COQ3: variants seen among roughly 807,000 people sequenced by gnomAD.
COQ3 encodes the protein ubiquinone biosynthesis O-methyltransferase, mitochondrial.
COQ3 carries 29 observed loss-of-function variants against 33.1 expected under a neutral mutation model. That is an observed-to-expected ratio of 0.88 (90% CI 0.65 to 1.19). COQ3 has a LOEUF of 1.19. Among genes scored for constraint, COQ3 ranks in the 50% most tolerant of loss-of-function variants. The probability of loss-of-function intolerance (pLI) is 0.00; values close to 1 mark genes in which losing one functional copy is unlikely to be tolerated. For missense variants in COQ3, 437 were observed against 430.7 expected, an observed-to-expected ratio of 1.01 and a Z score of -0.13; for synonymous variants, 173 against 157.8, an observed-to-expected ratio of 1.10 and a Z score of -0.72.
Position 99,394,105 on chromosome 6 carries a change from T to C in COQ3, c.75A>G (p.Thr25=). ...AGGAAATTAAGGGACGCGCAGCTTTTGTATTACAGCCTCCAGGCCCCAGCA... is the reference window on the plus strand; with the variant it reads ...AGGAAATTAAGGGACGCGCAGCTTTCGTATTACAGCCTCCAGGCCCCAGCA... ...LRVLGPGGCN[T]KAARPLISSA... The change falls in exon 1 of 7, where the codon ACA becomes ACG. Residue 25 remains threonine (T), a synonymous_variant. Transcript: ENST00000254759. The C allele has an allele frequency of 1.2e-6, 2 of 1,613,908 alleles. No homozygotes were observed. Among genetic ancestry groups the C allele is most frequent in the Non-Finnish European group, 1.7e-6 (2 of 1,179,914 alleles).
intron 2 of COQ3, among the ~76,000 whole-genome samples, chr6:99,381,729 C>A (rs1774476248): frequency 6.6e-6 from 1 of 152,072 alleles, no homozygotes; most frequent in Non-Finnish European, 1.5e-5. Flanking sequence ...AGTTCCAGAT[C>A]AGCCTGGCCA....
chr6:99,376,720 C>T (rs1582718687), intron 4 of COQ3, among the ~76,000 whole-genome samples: 1 of 152,066 alleles, frequency 6.6e-6, no homozygotes, highest in East Asian at 1.9e-4. Context: ...CCTGTAATCC[C>T]AGCACTTTGG....
rs553398849 is a variant in COQ3, at chr6:99,370,456, C to T, written c.890-636G>A. On this transcript the variant is annotated intron_variant, in intron 6 of 6. Transcript: ENST00000254759. The stretch of plus-strand genomic sequence containing the variant: ...CTCCATCTCCTGATTTCAAGTGATT[C>T]TCCTGCCTCAGACTCTCGAGGAGCT... Among the ~76,000 whole-genome samples, 16 of 144,504 alleles carry T rather than the reference C, an allele frequency of 1.1e-4. No individual in the cohort carries two copies. In the South Asian group the frequency reaches 3.6e-3, roughly 32 times the overall value. 94.8% of individuals were successfully genotyped at this position (144,504 alleles called of 152,430 possible).
At chr6:99,393,640 G>A (rs946981412) in intron 1 of COQ3, among the ~76,000 whole-genome samples, 4 of 152,174 alleles carry the variant, frequency 2.6e-5, no homozygotes, top group Non-Finnish European at 4.4e-5. Context: ...TAATCAAAAA[G>A]TAATACAGCT....
At chr6:99,373,701 G>A (rs9389293) in intron 5 of COQ3, among the ~76,000 whole-genome samples, 55,159 of 151,892 alleles carry the variant, frequency 0.36, 10,420 homozygotes, top group South Asian at 0.57. Flanking sequence ...CTACTTAAGA[G>A]GAAACAAGGG....
chr6:99,393,066 AAAAAG>A (rs1254259905), intron 1 of COQ3, among the ~76,000 whole-genome samples: 1 of 152,206 alleles, frequency 6.6e-6, no homozygotes, highest in Non-Finnish European at 1.5e-5. Context: ...AAAAGTTCAG[AAAAAG>A]AAAAGTATAT....
chr6:99,370,316 C>A (rs6570006), intron 6 of COQ3, among the ~76,000 whole-genome samples: 114,720 of 143,422 alleles, frequency 0.8, 45,675 homozygotes, highest in South Asian at 0.91. Context: ...TTCCTACTTT[C>A]TTTTCTTTCT....
chr6:99,376,975 A>G (rs1316094505), intron 4 of COQ3, among the ~76,000 whole-genome samples: 2 of 148,488 alleles, frequency 1.3e-5, no homozygotes, highest in Non-Finnish European at 3.0e-5. Context: ...AAAAAAAAAG[A>G]TTAAAATCAA....
intron 1 of COQ3, among the ~76,000 whole-genome samples, chr6:99,387,892 C>T (rs920146452): frequency 6.6e-6 from 1 of 152,106 alleles, no homozygotes; most frequent in East Asian, 1.9e-4. Context: ...ACAGGCCGCA[C>T]AGTGGCTCAC....
At chr6:99,380,117 A>C (rs1479793563) in intron 3 of COQ3, 72 bp downstream of exon 3, 1 of 1,453,716 alleles carries the variant, frequency 6.9e-7, no homozygotes, top group Non-Finnish European at 9.4e-7. Context: ...ATAAACTAAG[A>C]AAAAAATGAA....
rs551372248 is a variant in COQ3 at position 99,385,553 on chromosome 6, G to A, written c.107-1729C>T. Among the ~76,000 whole-genome samples the A allele has an allele frequency of 2.0e-5, 3 of 152,288 alleles. No individual in the cohort carries two copies. The East Asian group carries it at 5.8e-4, about 29-fold the overall frequency. On this transcript the variant is annotated intron_variant, in intron 1 of 6. Coordinates refer to ENST00000254759, the MANE Select transcript of COQ3 (RefSeq NM_017421.4). Reference sequence around the variant, plus strand: ...TAAACAATCCATAAGTCAAAGACAAGTCTCAGGGATATTTTAAAAATTGAA... The same window carrying A: ...TAAACAATCCATAAGTCAAAGACAAATCTCAGGGATATTTTAAAAATTGAA...
chr6:99,380,318 C>T lies in COQ3; in HGVS notation c.257G>A (p.Ser86Asn), dbSNP rs1204620834. The change falls in exon 3 of 7, where the codon AGT becomes AAT. Residue 86 changes from serine (S) to asparagine (N), a missense_variant. Ser to Asn is a conservative substitution (Grantham distance 46, BLOSUM62 1). Transcript: ENST00000254759. Reference protein sequence around the residue: ...SFRYPWARLYSTSQTTVDSGE... With the variant: ...SFRYPWARLYNTSQTTVDSGE... ...GCTGTCGACAGTGGTTTGGGAAGTA[C>T]TGTACAGTCTCGCCCAAGGGTACCT... is the stretch of plus-strand genomic sequence containing the variant. 1.2e-6 allele frequency: 2 copies of T among 1,613,822 alleles called. No individual in the cohort carries two copies. Among genetic ancestry groups the T allele is most frequent in the Non-Finnish European group, 1.7e-6 (2 of 1,179,948 alleles).
intron 3 of COQ3, among the ~76,000 whole-genome samples, chr6:99,379,938 T>G (rs894361705): frequency 3.3e-5 from 5 of 152,074 alleles, no homozygotes; most frequent in African/African-American, 1.2e-4. Context: ...TTATAAGAAC[T>G]TAATTATAAT....
chr6:99,376,449 T>C (rs1215848144), intron 4 of COQ3, among the ~76,000 whole-genome samples: 1 of 152,204 alleles, frequency 6.6e-6, no homozygotes, highest in Non-Finnish European at 1.5e-5. Context: ...AAACTTTGTC[T>C]ATGTACTCTA....
chr6:99,385,988 AAAAAAGAAAAGAAAAAAG>A (rs754934629), intron 1 of COQ3, among the ~76,000 whole-genome samples: 25,431 of 128,308 alleles, frequency 0.2, 1,964 homozygotes, highest in Middle Eastern at 0.3. Context: ...AAAAAAAAAA[AAAAAAGAAAAGAAAAAAG>A]AAAAGAAAAG....
intron 1 of COQ3, among the ~76,000 whole-genome samples, chr6:99,385,566 T>G (rs1774602515): frequency 6.6e-6 from 1 of 152,186 alleles, no homozygotes; most frequent in South Asian, 2.1e-4. Flanking sequence ...TCAGGGATAT[T>G]TTAAAAATTG....
At chr6:99,374,896 A>G (rs1774241102) in intron 5 of COQ3, among the ~76,000 whole-genome samples, 2 of 152,258 alleles carry the variant, frequency 1.3e-5, no homozygotes, top group South Asian at 4.1e-4. Flanking sequence ...TTACGCATTT[A>G]CCATGTACAG....
chr6:99,379,662 C>T (rs1473556157), intron 3 of COQ3, among the ~76,000 whole-genome samples: 3 of 152,116 alleles, frequency 2.0e-5, no homozygotes, highest in South Asian at 4.1e-4. Flanking sequence ...TGAGATCAGC[C>T]TGGCCAACAT....
At chr6:99,372,178 C>T (rs1774161799) in intron 5 of COQ3, among the ~76,000 whole-genome samples, 1 of 151,996 alleles carries the variant, frequency 6.6e-6, no homozygotes, top group Non-Finnish European at 1.5e-5. Flanking sequence ...CTAAGGCGGG[C>T]AGATCACTTG....
Sources: allele counts gnomAD v4.1 joint callset (sites outside exome capture counted in the v4.1 genomes callset), GRCh38; gene constraint gnomAD v4.1.1; transcripts MANE v1.5; gene names NCBI Gene and HGNC (gene_info 2026-07-23, HGNC 2026-07-21).